The following TXNRD1 variants were observed in gnomAD, a reference collection of about 807,000 sequenced individuals.
The protein encoded by TXNRD1 is thioredoxin reductase 1, cytoplasmic.
In TXNRD1, 57 loss-of-function variants were observed where a neutral mutation model predicts 80.3. The ratio of observed to expected loss-of-function variants is 0.71; its 90% CI spans 0.57 to 0.89. The LOEUF (loss-of-function observed/expected upper bound fraction) is 0.89. Among genes scored for constraint, TXNRD1 ranks in the 40% least tolerant of loss-of-function variants. The probability of loss-of-function intolerance (pLI) is 0.00; values close to 1 mark genes in which losing one functional copy is unlikely to be tolerated. For synonymous variants in TXNRD1, 291 were observed against 285.2 expected (o/e 1.02, Z -0.20); for missense variants, 730 against 803.0 (o/e 0.91, Z 1.10).
Position 104,304,203 on chromosome 12 carries a change from C to T in TXNRD1, c.415-7087C>T, listed in dbSNP as rs755027279. On this transcript the variant is annotated intron_variant, in intron 4 of 16. Transcript: ENST00000525566. ...CGAACCAGAGAAGCAGCCCTCGACG[C>T]CCGGTTTCTTGTTATGGCTTCTGAT... The T allele has an allele frequency of 2.6e-5, 42 of 1,613,946 alleles. No individual in the cohort carries two copies. Among genetic ancestry groups the T allele is most frequent in the Non-Finnish European group, 3.6e-5 (42 of 1,179,910 alleles).
At chr12:104,324,396 G>A (rs2035680560) in intron 10 of TXNRD1, among the ~76,000 whole-genome samples, 1 of 135,546 alleles carries the variant, frequency 7.4e-6, no homozygotes, top group South Asian at 2.5e-4. Context: ...CTGTCACCTA[G>A]GTTGGAGTGC....
chr12:104,342,951 A>G (rs143310091), intron 16 of TXNRD1, among the ~76,000 whole-genome samples: 7 of 152,264 alleles, frequency 4.6e-5, no homozygotes, highest in African/African-American at 1.4e-4. Context: ...TGACACGGTT[A>G]TATTTGAGGG....
At chr12:104,285,592 A>C (rs1268478841) in intron 3 of TXNRD1, among the ~76,000 whole-genome samples, 1 of 152,208 alleles carries the variant, frequency 6.6e-6, no homozygotes, top group South Asian at 2.1e-4. Flanking sequence ...CTTTTAGTAC[A>C]TTATTTCAAG....
At chr12:104,342,421 A>G (rs1019180869) in intron 16 of TXNRD1, among the ~76,000 whole-genome samples, 3 of 152,210 alleles carry the variant, frequency 2.0e-5, no homozygotes, top group Admixed American at 1.3e-4. Context: ...GGAACCAGGG[A>G]CAGGATGGAA....
intron 3 of TXNRD1, among the ~76,000 whole-genome samples, chr12:104,267,997 C>G (rs1018659569): frequency 2.6e-5 from 4 of 151,236 alleles, no homozygotes; most frequent in Non-Finnish European, 5.9e-5. Context: ...TTACAGGCAC[C>G]TGCCACCACG....
chr12:104,219,040 T>C (rs2032286701), intron 1 of TXNRD1, among the ~76,000 whole-genome samples: 1 of 152,212 alleles, frequency 6.6e-6, no homozygotes, highest in African/African-American at 2.4e-5. Flanking sequence ...ACTGCTGGGC[T>C]CAAGTAATCC....
At chr12:104,337,558 A>G (rs996367089) in intron 15 of TXNRD1, among the ~76,000 whole-genome samples, 6 of 151,918 alleles carry the variant, frequency 3.9e-5, no homozygotes, top group African/African-American at 1.4e-4. Context: ...TTTGCTTTCA[A>G]AAATGTTTTC....
intron 5 of TXNRD1, 75 bp downstream of exon 5, chr12:104,311,487 C>G: frequency 1.3e-6 from 2 of 1,534,564 alleles, no homozygotes; most frequent in Non-Finnish European, 1.8e-6. Flanking sequence ...ACAGGGTTCT[C>G]TCCTCTCTCT....
chr12:104,271,869 CAA>C (rs35994527), intron 3 of TXNRD1, among the ~76,000 whole-genome samples: 7 of 138,136 alleles, frequency 5.1e-5, no homozygotes, highest in South Asian at 2.3e-4. Flanking sequence ...GACTCCATCT[CAA>C]AAAAAAAAAA....
intron 1 of TXNRD1, among the ~76,000 whole-genome samples, chr12:104,241,011 G>A (rs1367007570): frequency 6.6e-6 from 1 of 150,840 alleles, no homozygotes; most frequent in Non-Finnish European, 1.5e-5. Flanking sequence ...AAAGTGTTGG[G>A]ATTACAGGCA....
chr12:104,238,867 G>A lies in TXNRD1; in HGVS notation c.92-12660G>A, dbSNP rs559771929. ...GTGGTTTTCTTTTCTTTTTTTTTGC[G>A]ACAGAGTCTTGCACTGTTGCCCAGG... On this transcript the variant is annotated intron_variant, in intron 1 of 16. Transcript: ENST00000525566. Among the ~76,000 whole-genome samples, 32 of 149,706 alleles carry A rather than the reference G, an allele frequency of 2.1e-4. 1 individual carries two copies. The highest frequency in any genetic ancestry group is 2.0e-3 in the Admixed American group (30 of 15,044).
chr12:104,238,607 ACT>A (rs2032789752), intron 1 of TXNRD1, among the ~76,000 whole-genome samples: 7 of 152,122 alleles, frequency 4.6e-5, no homozygotes, highest in Admixed American at 4.6e-4. Context: ...AGGGTGTTAG[ACT>A]CTGTCAAATG....
intron 1 of TXNRD1, among the ~76,000 whole-genome samples, chr12:104,227,709 C>T (rs1164547149): frequency 6.6e-6 from 1 of 152,218 alleles, no homozygotes; most frequent in East Asian, 1.9e-4. Flanking sequence ...GTATTCCAAT[C>T]TCTGGAGCCA....
At chr12:104,324,870 C>T (rs1317015366) in intron 10 of TXNRD1, among the ~76,000 whole-genome samples, 1 of 152,214 alleles carries the variant, frequency 6.6e-6, no homozygotes, top group Non-Finnish European at 1.5e-5. Context: ...TTACCCATAT[C>T]ACTATGGACC....
chr12:104,326,177 TC>T (rs2035755305), intron 11 of TXNRD1, among the ~76,000 whole-genome samples, 169 bp from the exon 12 acceptor site: 1 of 152,324 alleles, frequency 6.6e-6, no homozygotes. Flanking sequence ...AGGATTTTTT[TC>T]TGAAGATTTT....
chr12:104,266,778 G>C (rs1238668856), intron 3 of TXNRD1, among the ~76,000 whole-genome samples: 2 of 151,842 alleles, frequency 1.3e-5, no homozygotes, highest in Admixed American at 6.6e-5. Context: ...CTGGCTAACA[G>C]GGTGAAACCC....
chr12:104,258,332 A>G (rs1279574035), intron 3 of TXNRD1: 1 of 348,710 alleles, frequency 2.9e-6, no homozygotes, highest in Non-Finnish European at 5.1e-6. Context: ...CTTATTACTC[A>G]TGAATCTAGT....
At chr12:104,328,176 TAAA>T (rs528499476) in intron 13 of TXNRD1, among the ~76,000 whole-genome samples, 1 of 126,570 alleles carries the variant, frequency 7.9e-6, no homozygotes, top group Non-Finnish European at 1.7e-5. Flanking sequence ...AAAAAAAAAT[TAAA>T]AAAAAAAAAA....
At chr12:104,257,759 T>A (rs2033289304) in intron 2 of TXNRD1, among the ~76,000 whole-genome samples, 1 of 152,080 alleles carries the variant, frequency 6.6e-6, no homozygotes, top group Admixed American at 6.5e-5. Flanking sequence ...GTAGACTGAG[T>A]CACTAAACAT....
Sources: gnomAD v4.1 joint callset for allele counts (sites outside exome capture counted in the v4.1 genomes callset) on GRCh38, gnomAD v4.1.1 for gene constraint, MANE v1.5 for transcripts, NCBI Gene and HGNC (gene_info 2026-07-23, HGNC 2026-07-21) for gene names.